TLE1: variants seen among roughly 807,000 people sequenced by gnomAD.
TLE1 encodes the protein transducin-like enhancer protein 1.
In TLE1, 21 loss-of-function variants were observed where a neutral mutation model predicts 89.8. The ratio of observed to expected loss-of-function variants is 0.23; its 90% confidence interval spans 0.17 to 0.34. TLE1 has a LOEUF of 0.34. Among genes scored for constraint, TLE1 ranks in the 10% least tolerant of loss-of-function variants. The probability of loss-of-function intolerance (pLI) is 1.00; values close to 1 mark genes in which losing one functional copy is unlikely to be tolerated. For synonymous variants in TLE1, 447 were observed against 407.6 expected (o/e 1.10, Z -1.16); for missense variants, 795 against 1,031.2 (o/e 0.77, Z 3.14).
At chr9:81,596,703 T>C (rs1830266580) in intron 14 of TLE1, among the ~76,000 whole-genome samples, 1 of 152,156 alleles carries the variant, frequency 6.6e-6, no homozygotes, top group Admixed American at 6.5e-5. Flanking sequence ...AATGACCGCA[T>C]TTCTAGAATT....
rs148646646 is a variant in TLE1 at position 81,661,188 on chromosome 9, T to A, written c.235-7152A>T. 6.3e-3 allele frequency among the ~76,000 whole-genome samples: 627 copies of A among 98,964 alleles called. 2 individuals are homozygous for A. The highest frequency in any genetic ancestry group is 0.021 in the African/African-American group (566 of 26,884). 64.9% of individuals were successfully genotyped at this position (98,964 alleles called of 152,430 possible). A position where few individuals can be genotyped will look rare whatever the true frequency, so the allele number is the denominator to read the frequency against. On this transcript the variant is annotated intron_variant, in intron 4 of 19. Coordinates refer to ENST00000376499, the MANE Select transcript of TLE1 (RefSeq NM_005077.5). Reference sequence around the variant, plus strand: ...CATATATATTTATATATATGTATTTTTATATATATATGTATTTTTATATAT... The same window carrying A: ...CATATATATTTATATATATGTATTTATATATATATATGTATTTTTATATAT...
At chr9:81,636,546 G>A (rs375458372) in intron 6 of TLE1, among the ~76,000 whole-genome samples, 1 of 152,020 alleles carries the variant, frequency 6.6e-6, no homozygotes, top group South Asian at 2.1e-4. Flanking sequence ...GCTAAGCAGA[G>A]GGGAAGGAAT....
intron 2 of TLE1, among the ~76,000 whole-genome samples, chr9:81,686,637 A>C (rs1036803659): frequency 7.9e-5 from 12 of 152,256 alleles, no homozygotes; most frequent in African/African-American, 2.7e-4. Flanking sequence ...AAAACTTCAT[A>C]GGAACAAGGG....
At position 81,620,546 on chromosome 9, in the gene TLE1, G is replaced by A. The variant is rs748860571; in HGVS notation, c.606C>T (p.Leu202=). 25 of 1,610,944 alleles carry A rather than the reference G, an allele frequency of 1.6e-5. No homozygotes were observed. The Middle Eastern group carries it at 6.6e-4, about 42-fold the overall frequency. Residue 202 remains leucine (L), a synonymous_variant, in exon 9 of 20, where the codon CTC becomes CTT. Transcript: ENST00000376499. ...TGCCTCTTAGACTGTCTGGGACCAG[G>A]AGGGAATTACTCTGCAAGACAAAAA... The part of the protein sequence containing the change: ...RDREPGTSNS[L]LVPDSLRGTD...
At chr9:81,615,066 A>C (rs1239726337) in intron 11 of TLE1, among the ~76,000 whole-genome samples, 4 of 115,206 alleles carry the variant, frequency 3.5e-5, no homozygotes, top group African/African-American at 1.4e-4. Context: ...TGGGTGACAG[A>C]GTGAGACTCC....
intron 8 of TLE1, among the ~76,000 whole-genome samples, chr9:81,631,172 A>G (rs1460559287): frequency 1.3e-5 from 2 of 152,366 alleles, no homozygotes; most frequent in African/African-American, 4.8e-5. Context: ...AATAACCCAC[A>G]GTTGCCTGTA....
chr9:81,672,524 G>A (rs1463573362), intron 4 of TLE1, among the ~76,000 whole-genome samples: 6 of 149,498 alleles, frequency 4.0e-5, no homozygotes, highest in Non-Finnish European at 7.4e-5. Flanking sequence ...AACCTTGACT[G>A]TCAACAAAAA....
intron 4 of TLE1, among the ~76,000 whole-genome samples, chr9:81,665,146 T>G (rs1298531661): frequency 6.6e-6 from 1 of 152,168 alleles, no homozygotes; most frequent in Non-Finnish European, 1.5e-5. Context: ...CTCTCACACA[T>G]TTTTACAAAA....
intron 6 of TLE1, among the ~76,000 whole-genome samples, chr9:81,635,387 C>A (rs1827240154): frequency 6.6e-6 from 1 of 152,170 alleles, no homozygotes; most frequent in South Asian, 2.1e-4. Flanking sequence ...ACTTTGCCCC[C>A]ATTGCTTAAC....
At chr9:81,624,721 T>C (rs980209317) in intron 8 of TLE1, among the ~76,000 whole-genome samples, 1 of 152,142 alleles carries the variant, frequency 6.6e-6, no homozygotes, top group African/African-American at 2.4e-5. Flanking sequence ...AGACTTCTAT[T>C]ACAAGTGTCC....
At chr9:81,677,627 G>A (rs1191269461) in intron 4 of TLE1, among the ~76,000 whole-genome samples, 1 of 151,642 alleles carries the variant, frequency 6.6e-6, no homozygotes, top group Non-Finnish European at 1.5e-5. Flanking sequence ...TCACCAAGAG[G>A]TTGTACGTAT....
At chr9:81,686,038 T>C (rs1001566441) in intron 2 of TLE1, 142 bp from the exon 3 acceptor site, 2 of 783,886 alleles carry the variant, frequency 2.6e-6, no homozygotes, top group East Asian at 5.3e-5. Context: ...AAAAGCTTTG[T>C]CCTTGCATTT....
At chr9:81,620,336 T>G in intron 9 of TLE1, 105 bp downstream of exon 9, 1 of 907,076 alleles carries the variant, frequency 1.1e-6, no homozygotes, top group East Asian at 2.4e-5. Context: ...CTTTACAGTA[T>G]TATGTTTAAG....
At chr9:81,610,129 A>C (rs1354800873) in intron 14 of TLE1, 91 bp downstream of exon 14, 3 of 1,173,526 alleles carry the variant, frequency 2.6e-6, no homozygotes, top group Non-Finnish European at 3.7e-6. Context: ...GGAAACGCCC[A>C]AGCCTGTACT....
chr9:81,633,074 G>A (rs910932789), intron 8 of TLE1, among the ~76,000 whole-genome samples: 1 of 152,154 alleles, frequency 6.6e-6, no homozygotes, highest in Non-Finnish European at 1.5e-5. Context: ...GTATTTCCAA[G>A]TAAGTAATCA....
At chr9:81,597,793 A>G (rs1170299100) in intron 14 of TLE1, among the ~76,000 whole-genome samples, 1 of 152,226 alleles carries the variant, frequency 6.6e-6, no homozygotes, top group Non-Finnish European at 1.5e-5. Context: ...TACTGGGCAC[A>G]CAGCAGAGGT....
At chr9:81,670,364 C>T (rs1832059969) in intron 4 of TLE1, among the ~76,000 whole-genome samples, 1 of 152,024 alleles carries the variant, frequency 6.6e-6, no homozygotes, top group African/African-American at 2.4e-5. Context: ...CTGGGTCTGT[C>T]GCCCAGGCTG....
chr9:81,610,436 T>C, intron 13 of TLE1, 140 bp from the exon 14 acceptor site: 1 of 669,848 alleles, frequency 1.5e-6, no homozygotes, highest in Non-Finnish European at 2.6e-6. Context: ...TTTTTCTTTT[T>C]AATTACTATG....
At chr9:81,661,312 TTGTC>T (rs1403074440) in intron 4 of TLE1, among the ~76,000 whole-genome samples, 1 of 151,606 alleles carries the variant, frequency 6.6e-6, no homozygotes, top group Non-Finnish European at 1.5e-5. Context: ...TTCTCATACT[TTGTC>T]TAACTGCAAT....
Sources: gnomAD v4.1 joint callset for allele counts (sites outside exome capture counted in the v4.1 genomes callset) on GRCh38, gnomAD v4.1.1 for gene constraint, MANE v1.5 for transcripts, NCBI Gene and HGNC (gene_info 2026-07-23, HGNC 2026-07-21) for gene names.